Variants in FGF14 observed in about 807,000 individuals in gnomAD.
FGF14 encodes fibroblast growth factor homologous factor 4.
FGF14 carries 5 observed loss-of-function variants against 25.5 expected under a neutral mutation model. That is an observed-to-expected ratio of 0.20 (90% CI 0.10 to 0.41). The LOEUF (loss-of-function observed/expected upper bound fraction) is 0.41, where lower values mean the gene tolerates loss of function less well. FGF14 is among the 10% of genes least tolerant of loss of function. FGF14 has a pLI of 1.00. For missense variants in FGF14, 222 were observed against 320.1 expected (o/e 0.69, Z 2.34); for synonymous variants, 138 against 118.3 (o/e 1.17, Z -1.08).
At chr13:102,258,187 AT>A (rs1566871659) in intron 1 of FGF14, among the ~76,000 whole-genome samples, 1 of 152,134 alleles carries the variant, frequency 6.6e-6, no homozygotes, top group Admixed American at 6.5e-5. Context: ...CCATGACTCA[AT>A]TATCTCCCAC....
At chr13:102,055,549 A>G (rs1011776753) in intron 1 of FGF14, among the ~76,000 whole-genome samples, 2 of 152,240 alleles carry the variant, frequency 1.3e-5, no homozygotes, top group Non-Finnish European at 2.9e-5. Context: ...TTCTATTAAC[A>G]AATCATCCCT....
At chr13:102,078,849 C>T (rs1216055572) in intron 1 of FGF14, among the ~76,000 whole-genome samples, 6 of 152,172 alleles carry the variant, frequency 3.9e-5, no homozygotes, top group African/African-American at 1.4e-4. Flanking sequence ...ATCACATTCA[C>T]CTTTTAGAAA....
chr13:102,353,782 T>C (rs750090632), intron 1 of FGF14, among the ~76,000 whole-genome samples: 3 of 152,140 alleles, frequency 2.0e-5, no homozygotes, highest in Admixed American at 1.3e-4. Context: ...CTGCAGAGTG[T>C]TTTTCCTAAC....
At chr13:102,306,980 T>C (rs1454777906) in intron 1 of FGF14, among the ~76,000 whole-genome samples, 2 of 152,108 alleles carry the variant, frequency 1.3e-5, no homozygotes, top group African/African-American at 4.8e-5. Context: ...AAGAGTATCC[T>C]GAATGACCCA....
intron 1 of FGF14, among the ~76,000 whole-genome samples, chr13:102,161,697 G>GTC (rs1566765920): frequency 0.049 from 5,776 of 117,452 alleles, 369 homozygotes; most frequent in East Asian, 0.36. Flanking sequence ...AGAAGAAGAA[G>GTC]AAGAAGAAGA....
At chr13:101,745,388 G>A (rs998182009) in intron 3 of FGF14, among the ~76,000 whole-genome samples, 7 of 151,916 alleles carry the variant, frequency 4.6e-5, no homozygotes, top group African/African-American at 1.2e-4. Flanking sequence ...TTACATTAGG[G>A]TTCACTTTGG....
Position 101,916,827 on chromosome 13 carries a change from C to T in FGF14, c.-182G>A, listed in dbSNP as rs546225028. On this transcript the variant is annotated 5_prime_UTR_variant, in exon 1 of 5. Coordinates refer to ENST00000376143, the MANE Select transcript of FGF14 (RefSeq NM_004115.4). The stretch of plus-strand genomic sequence containing the variant: ...TGACCGGGACCCATCGCCCTCTCCG[C>T]GGGGCGCGGGGCCAGGCGCGCAGAT... Among the ~76,000 whole-genome samples the T allele has an allele frequency of 8.0e-4, 122 of 152,210 alleles. No homozygotes were observed. Among genetic ancestry groups the T allele is most frequent in the African/African-American group, 2.6e-3 (110 of 41,566 alleles).
chr13:102,401,713 T>G (rs1485384047), exon 1 of FGF14: 2 of 1,563,822 alleles, frequency 1.3e-6, no homozygotes, highest in East Asian at 2.3e-5. Context: ...CTTCTCCCAG[T>G]TTTTTCCCCT....
rs896776908 is a variant in FGF14 at position 101,996,347 on chromosome 13, G to A, written c.209-121051C>T. ...GTTGATGGAGAAACTTTCTGAGGAG[G>A]GTAGTGACTAATTCCCTTATTTTTG... On this transcript the variant is annotated intron_variant, in intron 1 of 4. Transcript: ENST00000376131. Among the ~76,000 whole-genome samples the A allele has an allele frequency of 4.9e-4, 74 of 152,016 alleles. 1 individual carries two copies. The highest frequency in any genetic ancestry group is 4.9e-3 in the Admixed American group (74 of 15,244).
intron 1 of FGF14, among the ~76,000 whole-genome samples, chr13:102,276,351 GTGTATATATATA>G (rs1237677360): frequency 7.2e-5 from 3 of 41,640 alleles, no homozygotes; most frequent in African/African-American, 1.3e-4. Flanking sequence ...GTGTGTGTGT[GTGTATATATATA>G]TATATATATA....
intron 3 of FGF14, among the ~76,000 whole-genome samples, chr13:101,813,767 C>T (rs916896891): frequency 4.6e-5 from 7 of 152,192 alleles, no homozygotes; most frequent in African/African-American, 1.7e-4. Context: ...ATTTGAATTG[C>T]ATTACCTCTA....
chr13:101,898,497 G>C (rs948163610), intron 1 of FGF14, among the ~76,000 whole-genome samples: 1 of 151,924 alleles, frequency 6.6e-6, no homozygotes, highest in African/African-American at 2.4e-5. Flanking sequence ...CAAATAAAAA[G>C]CTAGTCAATA....
At chr13:101,817,130 G>C (rs2041883885) in intron 3 of FGF14, among the ~76,000 whole-genome samples, 1 of 152,160 alleles carries the variant, frequency 6.6e-6, no homozygotes, top group African/African-American at 2.4e-5. Flanking sequence ...TTTCCAAAAA[G>C]GTACATAAGT....
intron 1 of FGF14, among the ~76,000 whole-genome samples, chr13:102,245,999 A>G (rs1367076045): frequency 6.6e-6 from 1 of 152,040 alleles, no homozygotes; most frequent in Non-Finnish European, 1.5e-5. Context: ...TACATAAAAC[A>G]TTACCAATGT....
chr13:102,322,425 T>A (rs2056279127), intron 1 of FGF14, among the ~76,000 whole-genome samples: 1 of 130,422 alleles, frequency 7.7e-6, no homozygotes, highest in Non-Finnish European at 1.6e-5. Flanking sequence ...TCCCTGAGGC[T>A]TTTGGGGATC....
chr13:101,716,402 G>A lies in FGF14; in HGVS notation c.*6429C>T, dbSNP rs1039491359. On this transcript the variant is annotated 3_prime_UTR_variant, in exon 5 of 5. Coordinates refer to ENST00000376143, the MANE Select transcript of FGF14 (RefSeq NM_004115.4). ...TTCTCTTAAAGAAATTATGAAAAAT[G>A]TACAATTTAACATTTTAAATAAATA... 39 of 152,106 alleles carry A rather than the reference G, an allele frequency of 2.6e-4. No individual in the cohort carries two copies. Among genetic ancestry groups the A allele is most frequent in the African/African-American group, 9.2e-4 (38 of 41,418 alleles). The allele number at this position is 152,106 out of a possible 1,614,324, so 9.4% of individuals were successfully genotyped here.
At chr13:102,077,098 G>T (rs1352728039) in intron 1 of FGF14, among the ~76,000 whole-genome samples, 1 of 152,130 alleles carries the variant, frequency 6.6e-6, no homozygotes, top group Non-Finnish European at 1.5e-5. Flanking sequence ...AAAATTATAT[G>T]CTTATCTCAT....
chr13:101,978,119 G>A (rs2038037247), intron 1 of FGF14, among the ~76,000 whole-genome samples: 1 of 152,098 alleles, frequency 6.6e-6, no homozygotes, highest in East Asian at 1.9e-4. Context: ...GATTTAAACA[G>A]GTTAACAAAA....
chr13:102,209,266 C>A (rs1397817942), intron 1 of FGF14, among the ~76,000 whole-genome samples: 2 of 152,164 alleles, frequency 1.3e-5, no homozygotes, highest in East Asian at 1.9e-4. Flanking sequence ...TTGTAATGAA[C>A]CAAATCCTCC....
Sources: gnomAD v4.1 joint callset for allele counts (sites outside exome capture counted in the v4.1 genomes callset) on GRCh38, gnomAD v4.1.1 for gene constraint, MANE v1.5 for transcripts, NCBI Gene and HGNC (gene_info 2026-07-23, HGNC 2026-07-21) for gene names.